The following CALN1 variants were observed in gnomAD, a reference collection of about 807,000 sequenced individuals.
The protein encoded by CALN1 is calneuron 1, also known as calcium-binding protein 8.
CALN1 carries 17 observed loss-of-function variants against 30.6 expected under a neutral mutation model. That is an observed-to-expected ratio of 0.56 (90% CI 0.38 to 0.83). CALN1 has a LOEUF of 0.83. Among genes scored for constraint, CALN1 ranks in the 40% least tolerant of loss-of-function variants. The probability of loss-of-function intolerance (pLI) is 0.00; values close to 1 mark genes in which losing one functional copy is unlikely to be tolerated. For synonymous variants in CALN1, 156 were observed against 131.4 expected, an observed-to-expected ratio of 1.19 and a Z score of -1.28; for missense variants, 291 against 354.9, an observed-to-expected ratio of 0.82 and a Z score of 1.45.
At chr7:71,793,506 C>G (rs1403271101) in intron 6 of CALN1, among the ~76,000 whole-genome samples, 1 of 152,148 alleles carries the variant, frequency 6.6e-6, no homozygotes, top group Non-Finnish European at 1.5e-5. Flanking sequence ...GATCATGATT[C>G]TCTGTGTGAC....
intron 3 of CALN1, among the ~76,000 whole-genome samples, chr7:72,121,422 A>C (rs1340065351): frequency 6.8e-6 from 1 of 146,698 alleles, no homozygotes; most frequent in Non-Finnish European, 1.5e-5. Flanking sequence ...TATGTATAAT[A>C]TAGATATCAT....
At chr7:72,401,472 T>C (rs942677663) in intron 2 of CALN1, among the ~76,000 whole-genome samples, 8 of 152,038 alleles carry the variant, frequency 5.3e-5, no homozygotes, top group Non-Finnish European at 7.4e-5. Context: ...AACAGAAACA[T>C]GTTCAGTGCG....
At chr7:71,851,817 C>G (rs1790665251) in intron 5 of CALN1, among the ~76,000 whole-genome samples, 2 of 152,092 alleles carry the variant, frequency 1.3e-5, no homozygotes, top group African/African-American at 4.8e-5. Flanking sequence ...AGTGCACAAA[C>G]AAACAAATGT....
intron 5 of CALN1, among the ~76,000 whole-genome samples, chr7:71,867,669 G>A (rs764415761): frequency 6.6e-6 from 1 of 152,082 alleles, no homozygotes; most frequent in Non-Finnish European, 1.5e-5. Context: ...TTTCGACCTC[G>A]TGATCTGCCC....
At chr7:72,385,203 TA>T (rs1805140739) in intron 2 of CALN1, among the ~76,000 whole-genome samples, 1 of 152,230 alleles carries the variant, frequency 6.6e-6, no homozygotes, top group African/African-American at 2.4e-5. Context: ...GATGGGAATA[TA>T]AAATGGTATA....
At chr7:71,845,130 T>C (rs930085291) in intron 5 of CALN1, among the ~76,000 whole-genome samples, 1 of 152,146 alleles carries the variant, frequency 6.6e-6, no homozygotes, top group Admixed American at 6.5e-5. Context: ...GCGATCCTCC[T>C]GCCTCGGCCT....
intron 5 of CALN1, among the ~76,000 whole-genome samples, chr7:71,878,663 G>C (rs1164877539): frequency 6.6e-6 from 1 of 152,178 alleles, no homozygotes; most frequent in African/African-American, 2.4e-5. Flanking sequence ...CCAATGTAGA[G>C]TGTGGGAGGT....
At chr7:72,409,923 T>TC (rs1806996614) in intron 1 of CALN1, among the ~76,000 whole-genome samples, 1 of 152,210 alleles carries the variant, frequency 6.6e-6, no homozygotes, top group Non-Finnish European at 1.5e-5. Context: ...ATCAGTTTTT[T>TC]CCCTGTAATG....
chr7:72,479,488 T>C, the CALN1 span, among the ~76,000 whole-genome samples: 1 of 152,152 alleles, frequency 6.6e-6, no homozygotes, highest in Admixed American at 6.6e-5. Context: ...TTTTCTCTTA[T>C]GTTTTCTTCT....
chr7:72,272,390 C>A (rs1429878630), intron 3 of CALN1, among the ~76,000 whole-genome samples: 1 of 151,974 alleles, frequency 6.6e-6, no homozygotes. Flanking sequence ...GGCAAAAACC[C>A]ATCTCTACCA....
In CALN1 at chr7:72,318,641, A is replaced by C. The variant is rs1800653636; in HGVS notation, c.120-39831T>G. Among the ~76,000 whole-genome samples, 3 of 150,448 alleles carry C rather than the reference A, an allele frequency of 2.0e-5. No homozygotes were observed. In the South Asian group the frequency reaches 6.4e-4, roughly 32 times the overall value. On this transcript the variant is annotated intron_variant, in intron 2 of 6. Coordinates refer to ENST00000395275, the MANE Select transcript of CALN1 (RefSeq NM_031468.4). ...CTGCAGCCTCGAACTCCTGGGTTCA[A>C]GCAATCCTCCTGCCTCAGTCTCCTG...
Position 71,786,128 on chromosome 7 carries a change from A to T in CALN1, c.*1647T>A, listed in dbSNP as rs575595571. 1 of 152,656 alleles carries T rather than the reference A, an allele frequency of 6.6e-6. No homozygotes were observed. The highest frequency in any genetic ancestry group is 1.5e-5 in the Non-Finnish European group (1 of 68,068). 9.5% of individuals were successfully genotyped at this position (152,656 alleles called of 1,614,324 possible). On this transcript the variant is annotated 3_prime_UTR_variant, in exon 7 of 7. Transcript: ENST00000395275. ...TTTCATTGGAGACCTTGGGTGCTCC[A>T]AGTCTGAAAAGGCAGTAGGGAGAAA... is the stretch of plus-strand genomic sequence containing the variant.
intron 5 of CALN1, among the ~76,000 whole-genome samples, chr7:71,913,147 T>C (rs193006009): frequency 6.6e-6 from 1 of 152,284 alleles, no homozygotes; most frequent in Admixed American, 6.5e-5. Context: ...TCCCATCTGG[T>C]TGCAGCTGAT....
intron 5 of CALN1, among the ~76,000 whole-genome samples, chr7:71,878,520 A>G (rs1056750188): frequency 2.0e-5 from 3 of 152,180 alleles, no homozygotes; most frequent in Admixed American, 6.5e-5. Flanking sequence ...TTAAGAGGGA[A>G]CATCAGACCA....
chr7:72,330,508 C>T (rs993372917), intron 2 of CALN1, among the ~76,000 whole-genome samples: 16 of 151,302 alleles, frequency 1.1e-4, no homozygotes, highest in Admixed American at 6.6e-5. Flanking sequence ...CTTTGTTGGC[C>T]ATCCAATCTG....
At chr7:72,290,323 T>C (rs1798392944) in intron 2 of CALN1, among the ~76,000 whole-genome samples, 1 of 152,134 alleles carries the variant, frequency 6.6e-6, no homozygotes, top group African/African-American at 2.4e-5. Context: ...TCCAGTTTCC[T>C]GGCTGTGACA....
At chr7:72,254,825 G>A (rs1049597010) in intron 3 of CALN1, among the ~76,000 whole-genome samples, 2 of 151,966 alleles carry the variant, frequency 1.3e-5, no homozygotes, top group South Asian at 2.1e-4. Flanking sequence ...GGAGTGCAGT[G>A]GTGCCATCTC....
chr7:71,951,651 T>A (rs1180684294), intron 5 of CALN1, among the ~76,000 whole-genome samples: 1 of 151,698 alleles, frequency 6.6e-6, no homozygotes, highest in East Asian at 1.9e-4. Context: ...CAGAAACAAG[T>A]TTTTCCAGCT....
intron 5 of CALN1, among the ~76,000 whole-genome samples, chr7:71,812,277 C>G (rs1376228840): frequency 1.3e-5 from 2 of 152,094 alleles, no homozygotes; most frequent in Non-Finnish European, 2.9e-5. Context: ...CATTGTTGGT[C>G]TATGTCAAAA....
Sources: allele counts gnomAD v4.1 joint callset (sites outside exome capture counted in the v4.1 genomes callset), GRCh38; gene constraint gnomAD v4.1.1; transcripts MANE v1.5; gene names NCBI Gene and HGNC (gene_info 2026-07-23, HGNC 2026-07-21).